GFPT1: variants seen among roughly 807,000 people sequenced by gnomAD.
GFPT1 encodes the protein glutamine--fructose-6-phosphate aminotransferase [isomerizing] 1.
In GFPT1, 40 loss-of-function variants were observed where a neutral mutation model predicts 92.0. The observed-to-expected ratio is 0.43, with a 90% confidence interval of 0.34 to 0.57. The LOEUF (loss-of-function observed/expected upper bound fraction) is 0.57, where lower values mean the gene tolerates loss of function less well. GFPT1 is among the 20% of genes least tolerant of loss of function. GFPT1 has a pLI of 0.02. For missense variants in GFPT1, 448 were observed against 869.1 expected (o/e 0.52, Z 6.09); for synonymous variants, 269 against 280.6 (o/e 0.96, Z 0.41).
intron 3 of GFPT1, among the ~76,000 whole-genome samples, chr2:69,364,994 CAAAA>C (rs58848043): frequency 2.3e-5 from 1 of 44,162 alleles, no homozygotes; most frequent in African/African-American, 8.1e-5. Flanking sequence ...GACTCCCTCT[CAAAA>C]AAAAAAAAAA....
Position 69,337,945 on chromosome 2 carries a change from C to CA in GFPT1, c.1434dup (p.Gly479TrpfsTer5). On this transcript the variant is annotated frameshift_variant, in exon 15 of 20. Transcript: ENST00000357308. LOFTEE classifies it high-confidence loss of function. ...TCAGGACCAGCATTAATATGAACTC[C>CA]ACAATCTGTCTCCCGTGATATGGAA... is the stretch of plus-strand genomic sequence containing the variant. 6.2e-7 allele frequency: 1 copy of CA among 1,613,944 alleles called. No homozygotes were observed. The highest frequency in any genetic ancestry group is 8.5e-7 in the Non-Finnish European group (1 of 1,179,840).
intron 15 of GFPT1, among the ~76,000 whole-genome samples, chr2:69,332,027 A>G (rs1670675211): frequency 1.3e-5 from 2 of 152,150 alleles, no homozygotes; most frequent in South Asian, 4.1e-4. Flanking sequence ...AAGTATTATT[A>G]AATTTTCTTA....
At chr2:69,340,901 T>C (rs1321469814) in intron 13 of GFPT1, among the ~76,000 whole-genome samples, 2 of 152,158 alleles carry the variant, frequency 1.3e-5, no homozygotes, top group Non-Finnish European at 2.9e-5. Context: ...ACAGGGCTCA[T>C]TCAGTAATAG....
intron 4 of GFPT1, among the ~76,000 whole-genome samples, chr2:69,360,625 G>C (rs1373710699): frequency 6.6e-6 from 1 of 151,898 alleles, no homozygotes; most frequent in African/African-American, 2.4e-5. Context: ...TTTCTGTAGA[G>C]AGAGTCTCGC....
rs377438745 is a variant in GFPT1, at chr2:69,374,967, A to G, written c.8-854T>C. On this transcript the variant is annotated intron_variant, in intron 1 of 19. Transcript: ENST00000357308. Reference sequence around the variant, plus strand: ...AATTACTTGTTCATCACATTAGCAAATGACAACCACATAACAACCCTTGAA... The same window carrying G: ...AATTACTTGTTCATCACATTAGCAAGTGACAACCACATAACAACCCTTGAA... Among the ~76,000 whole-genome samples the G allele has an allele frequency of 5.3e-5, 8 of 152,378 alleles. No homozygotes were observed. In the East Asian group the frequency reaches 7.7e-4, roughly 15 times the overall value.
At chr2:69,338,798 A>C (rs1391208396) in intron 13 of GFPT1, among the ~76,000 whole-genome samples, 3 of 104,316 alleles carry the variant, frequency 2.9e-5, no homozygotes, top group Admixed American at 9.4e-5. Flanking sequence ...CTATGTATAC[A>C]TTCCTTTTTT....
At chr2:69,366,586 C>T (rs750229622) in intron 3 of GFPT1, among the ~76,000 whole-genome samples, 12 of 152,216 alleles carry the variant, frequency 7.9e-5, no homozygotes, top group Non-Finnish European at 1.6e-4. Flanking sequence ...ATTCATTAAA[C>T]TGATAGCTCA....
In GFPT1 at chr2:69,350,071, A is replaced by G. The variant is rs371199882; in HGVS notation, c.845+7T>C. The G allele has an allele frequency of 1.1e-4, 172 of 1,583,422 alleles. No homozygotes were observed. Among genetic ancestry groups the G allele is most frequent in the Non-Finnish European group, 1.4e-4 (165 of 1,152,036 alleles). On this transcript the variant is annotated splice_region_variant and intron_variant, in intron 10 of 19. Coordinates refer to ENST00000357308, the MANE Select transcript of GFPT1 (RefSeq NM_001244710.2). ...AAAATCTCTTTGAATCAACTAAGGA[A>G]GCTCACCTTGCATCAGAAGCAAAGT...
intron 1 of GFPT1, among the ~76,000 whole-genome samples, chr2:69,376,111 T>A (rs746395207): frequency 6.6e-6 from 1 of 152,242 alleles, no homozygotes; most frequent in East Asian, 1.9e-4. Flanking sequence ...GGGTCACTGA[T>A]CTTTGAGAAA....
chr2:69,360,328 C>CA (rs576395697), intron 4 of GFPT1, among the ~76,000 whole-genome samples: 5,210 of 77,126 alleles, frequency 0.068, 348 homozygotes, highest in East Asian at 0.23. Context: ...GATTCTGTCT[C>CA]AAAAAAAAAA....
chr2:69,384,053 A>T (rs1191495852), intron 1 of GFPT1, among the ~76,000 whole-genome samples: 1 of 152,244 alleles, frequency 6.6e-6, no homozygotes, highest in East Asian at 1.9e-4. Context: ...AAAACCAAAA[A>T]TAATGCAAAT....
At chr2:69,364,066 G>A (rs566294785) in intron 3 of GFPT1, among the ~76,000 whole-genome samples, 1 of 147,104 alleles carries the variant, frequency 6.8e-6, no homozygotes, top group South Asian at 2.1e-4. Flanking sequence ...AGTGAGCTGA[G>A]ATCATGCCAC....
Position 69,338,300 on chromosome 2 carries a change from G to T in GFPT1, c.1324+145C>A, listed in dbSNP as rs904550546. On this transcript the variant is annotated intron_variant, in intron 14 of 19. Coordinates refer to ENST00000357308, the MANE Select transcript of GFPT1 (RefSeq NM_001244710.2). Reference sequence around the variant, plus strand: ...GTGTTCATTTTTACTAATTCATAAAGAATTATGTAACATTAAAATAAATCT... The same window carrying T: ...GTGTTCATTTTTACTAATTCATAAATAATTATGTAACATTAAAATAAATCT... The T allele has an allele frequency of 1.3e-5, 10 of 794,482 alleles. No homozygotes were observed. The African/African-American group carries it at 1.7e-4, about 14-fold the overall frequency. The allele number at this position is 794,482 out of a possible 1,614,324, so 49.2% of individuals were successfully genotyped here.
chr2:69,335,546 G>T (rs1670774371), intron 15 of GFPT1, among the ~76,000 whole-genome samples: 1 of 152,008 alleles, frequency 6.6e-6, no homozygotes, highest in African/African-American at 2.4e-5. Context: ...TATAAATAAA[G>T]AGCCTCTGGG....
At chr2:69,360,992 C>T (rs1671458562) in intron 4 of GFPT1, among the ~76,000 whole-genome samples, 1 of 151,964 alleles carries the variant, frequency 6.6e-6, no homozygotes, top group South Asian at 2.1e-4. Flanking sequence ...GCCTTGGCCT[C>T]CCAAAGTGCT....
At chr2:69,327,390 T>G (rs934872539) in intron 18 of GFPT1, among the ~76,000 whole-genome samples, 15 of 152,206 alleles carry the variant, frequency 9.9e-5, no homozygotes, top group Non-Finnish European at 2.1e-4. Flanking sequence ...CTTTTGGAAT[T>G]TATATATAAA....
chr2:69,383,073 T>C lies in GFPT1; in HGVS notation c.7+3992A>G, dbSNP rs564001996. Among the ~76,000 whole-genome samples, 3 of 152,292 alleles carry C rather than the reference T, an allele frequency of 2.0e-5. No homozygotes were observed. The East Asian group carries it at 5.8e-4, about 29-fold the overall frequency. ...AATACCTGCAAGTATCTTCTAACAC[T>C]TTCTAGGCACCTGAAATATACGGTC... On this transcript the variant is annotated intron_variant, in intron 1 of 19. Transcript: ENST00000357308.
intron 2 of GFPT1, among the ~76,000 whole-genome samples, chr2:69,372,449 T>C (rs1671774217): frequency 6.6e-6 from 1 of 151,914 alleles, no homozygotes; most frequent in South Asian, 2.1e-4. Context: ...GCATGCCTGT[T>C]ATCCCAGCTA....
At chr2:69,358,683 C>T (rs1038846305) in intron 5 of GFPT1, among the ~76,000 whole-genome samples, 3 of 151,954 alleles carry the variant, frequency 2.0e-5, no homozygotes, top group Non-Finnish European at 4.4e-5. Context: ...TAATAAATAG[C>T]CATTAGCTGT....
Sources: allele counts gnomAD v4.1 joint callset (sites outside exome capture counted in the v4.1 genomes callset), GRCh38; gene constraint gnomAD v4.1.1; transcripts MANE v1.5; gene names NCBI Gene and HGNC (gene_info 2026-07-23, HGNC 2026-07-21).